The following PSPC1 variants were observed in gnomAD, a reference collection of about 807,000 sequenced individuals.
PSPC1 encodes paraspeckle component 1.
In PSPC1, 14 loss-of-function variants were observed where a neutral mutation model predicts 51.6. That is an observed-to-expected ratio of 0.27 (90% confidence interval 0.18 to 0.42). The LOEUF (loss-of-function observed/expected upper bound fraction) is 0.42, where lower values mean the gene tolerates loss of function less well. PSPC1 is among the 10% of genes least tolerant of loss of function. PSPC1 has a pLI of 1.00. For synonymous variants in PSPC1, 193 were observed against 231.9 expected (o/e 0.83, Z 1.53); for missense variants, 406 against 701.1 (o/e 0.58, Z 4.75).
chr13:19,708,874 T>A (rs543736613), intron 7 of PSPC1, among the ~76,000 whole-genome samples: 2 of 152,246 alleles, frequency 1.3e-5, no homozygotes, highest in East Asian at 3.9e-4. Flanking sequence ...TTTCCAGTGT[T>A]CAATTAGGAC....
At chr13:19,700,543 A>G (rs897981708), downstream of PSPC1, among the ~76,000 whole-genome samples, 18 of 148,776 alleles carry the variant, frequency 1.2e-4, no homozygotes, top group East Asian at 3.1e-3. Flanking sequence ...TCTGTCAAGA[A>G]AAAAAATATG....
At position 19,733,876 on chromosome 13, in the gene PSPC1, C is replaced by T. The variant is rs371701568; in HGVS notation, c.1053-3532G>A. On this transcript the variant is annotated intron_variant, in intron 5 of 8. Coordinates refer to ENST00000338910, the MANE Select transcript of PSPC1 (RefSeq NM_001354909.2). ...GCTAAGGTGGGAAGATCACTTGAAC[C>T]CCATAAGGTGAGACTGCGGGGAGCC... Among the ~76,000 whole-genome samples the T allele has an allele frequency of 1.3e-3, 197 of 151,882 alleles. 1 individual carries two copies. Among genetic ancestry groups the T allele is most frequent in the African/African-American group, 4.5e-3 (185 of 41,460 alleles).
At chr13:19,763,518 G>A (rs922072227) in intron 2 of PSPC1, among the ~76,000 whole-genome samples, 1 of 152,172 alleles carries the variant, frequency 6.6e-6, no homozygotes, top group African/African-American at 2.4e-5. Flanking sequence ...CGGGACTGAG[G>A]CCCTGGGGTT....
chr13:19,740,343 C>CAAA (rs879686651), intron 5 of PSPC1, among the ~76,000 whole-genome samples: 73 of 130,718 alleles, frequency 5.6e-4, no homozygotes, highest in African/African-American at 2.0e-3. Flanking sequence ...AACTCCCTCT[C>CAAA]AAAAAAAAAA....
chr13:19,713,408 T>C (rs976391780), intron 6 of PSPC1, among the ~76,000 whole-genome samples: 3 of 152,030 alleles, frequency 2.0e-5, no homozygotes, highest in Admixed American at 2.0e-4. Flanking sequence ...TTGAATAACT[T>C]AGTCAAGGTC....
chr13:19,781,270 G>A (rs973932598), intron 1 of PSPC1, among the ~76,000 whole-genome samples: 16 of 151,540 alleles, frequency 1.1e-4, no homozygotes, highest in African/African-American at 3.6e-4. Flanking sequence ...CTCTGCCTCA[G>A]CCTCCCAAGT....
At chr13:19,747,780 T>C (rs868744948) in intron 4 of PSPC1, among the ~76,000 whole-genome samples, 2 of 151,944 alleles carry the variant, frequency 1.3e-5, no homozygotes, top group Non-Finnish European at 2.9e-5. Flanking sequence ...AGGTAGTAAA[T>C]AGGGGGACAA....
intron 4 of PSPC1, among the ~76,000 whole-genome samples, chr13:19,744,182 C>A (rs1210636797): frequency 1.3e-5 from 2 of 152,120 alleles, no homozygotes; most frequent in East Asian, 1.9e-4. Flanking sequence ...GGCACCCAGG[C>A]TGGAGTAGAG....
chr13:19,780,526 C>A lies in PSPC1; in HGVS notation c.372+1860G>T, dbSNP rs1192342700. Among the ~76,000 whole-genome samples, 6 of 80,746 alleles carry A rather than the reference C, an allele frequency of 7.4e-5. 1 individual carries two copies. Among genetic ancestry groups the A allele is most frequent in the Admixed American group, 6.3e-4 (4 of 6,330 alleles). The allele number at this position is 80,746 out of a possible 152,430, so 53.0% of individuals were successfully genotyped here. ...CTGACCTTACCCCCAACCCTGTGCTCTCTGAAACATGTGCTGTGTCCACTC... is the reference window on the plus strand; with the variant it reads ...CTGACCTTACCCCCAACCCTGTGCTATCTGAAACATGTGCTGTGTCCACTC... On this transcript the variant is annotated intron_variant, in intron 1 of 8. Transcript: ENST00000338910.
intron 4 of PSPC1, among the ~76,000 whole-genome samples, chr13:19,742,393 G>A (rs1448151723): frequency 3.3e-5 from 5 of 151,414 alleles, no homozygotes; most frequent in South Asian, 4.2e-4. Context: ...CACTTCGGCC[G>A]AGGAGTTCGA....
chr13:19,758,604 G>A (rs766757890), intron 3 of PSPC1, among the ~76,000 whole-genome samples: 2 of 151,738 alleles, frequency 1.3e-5, no homozygotes, highest in Admixed American at 6.6e-5. Context: ...AGGCCTAGGC[G>A]GGTAGATCAC....
chr13:19,711,830 G>A (rs1466152882), intron 6 of PSPC1, among the ~76,000 whole-genome samples: 1 of 149,170 alleles, frequency 6.7e-6, no homozygotes, highest in Admixed American at 6.7e-5. Flanking sequence ...GGTAACAAGA[G>A]CAAAACTCTG....
chr13:19,680,946 G>A (rs573478370), intron 6 of PSPC1, among the ~76,000 whole-genome samples: 20 of 152,296 alleles, frequency 1.3e-4, no homozygotes, highest in Non-Finnish European at 2.1e-4. Flanking sequence ...GGCCGGGCAC[G>A]GTGGCTCATG....
intron 6 of PSPC1, among the ~76,000 whole-genome samples, chr13:19,714,761 C>T (rs1881889456): frequency 6.6e-6 from 1 of 152,072 alleles, no homozygotes; most frequent in South Asian, 2.1e-4. Context: ...CCCCAAAGTG[C>T]TGTGATTACA....
intron 1 of PSPC1, among the ~76,000 whole-genome samples, chr13:19,775,907 C>T (rs984406047): frequency 1.3e-5 from 2 of 151,962 alleles, no homozygotes; most frequent in African/African-American, 4.8e-5. Context: ...AAAAATTAGC[C>T]GGACGTGGCA....
intron 6 of PSPC1, among the ~76,000 whole-genome samples, chr13:19,724,079 ATG>A (rs1883077619): frequency 6.6e-6 from 1 of 152,184 alleles, no homozygotes; most frequent in African/African-American, 2.4e-5. Context: ...CCCTTGTAAA[ATG>A]TGTCTTTTGT....
chr13:19,674,138 T>A (rs1045676033), downstream of PSPC1, among the ~76,000 whole-genome samples: 1 of 152,218 alleles, frequency 6.6e-6, no homozygotes, highest in Non-Finnish European at 1.5e-5. Context: ...TTCCACTGTC[T>A]ACTTGGGTAA....
At chr13:19,673,551 CAT>C (rs1461970067), downstream of PSPC1, 2 of 181,196 alleles carry the variant, frequency 1.1e-5, no homozygotes. Flanking sequence ...TAAATTGAAT[CAT>C]GTAGTATATC....
At chr13:19,740,912 T>C (rs1380057458) in intron 5 of PSPC1, among the ~76,000 whole-genome samples, 4 of 151,844 alleles carry the variant, frequency 2.6e-5, no homozygotes, top group South Asian at 2.1e-4. Context: ...TCTCACTGTG[T>C]AGCCCAGGCT....
Sources: allele counts gnomAD v4.1 joint callset (sites outside exome capture counted in the v4.1 genomes callset), GRCh38; gene constraint gnomAD v4.1.1; transcripts MANE v1.5; gene names NCBI Gene and HGNC (gene_info 2026-07-23, HGNC 2026-07-21).